Variants in GNAL observed in about 807,000 individuals in gnomAD.
GNAL encodes G protein subunit alpha L.
GNAL carries 18 observed loss-of-function variants against 55.1 expected under a neutral mutation model. The observed-to-expected ratio is 0.33, with a 90% CI of 0.23 to 0.48. The LOEUF (loss-of-function observed/expected upper bound fraction) is 0.48. Among genes scored for constraint, GNAL ranks in the 20% least tolerant of loss-of-function variants. The pLI is 0.99. For synonymous variants in GNAL, 253 were observed against 237.0 expected (o/e 1.07, Z -0.62); for missense variants, 412 against 614.1 (o/e 0.67, Z 3.48).
chr18:11,873,615 C>G (rs546452958), intron 10 of GNAL, among the ~76,000 whole-genome samples: 2 of 152,348 alleles, frequency 1.3e-5, no homozygotes, highest in East Asian at 3.9e-4. Context: ...GAGACCAAAT[C>G]AAGTGGAAAT....
chr18:11,848,787 CT>C (rs1440679105), intron 5 of GNAL, among the ~76,000 whole-genome samples: 1 of 152,148 alleles, frequency 6.6e-6, no homozygotes, highest in Non-Finnish European at 1.5e-5. Context: ...TTCATATTAA[CT>C]TTGCAGTCAA....
chr18:11,812,467 A>G (rs2034840905), intron 4 of GNAL, among the ~76,000 whole-genome samples: 1 of 152,338 alleles, frequency 6.6e-6, no homozygotes, highest in Non-Finnish European at 1.5e-5. Flanking sequence ...GGACACAGGA[A>G]CAAATACAGA....
In GNAL at chr18:11,881,054, C is replaced by T; in HGVS notation, c.1296C>T (p.Asp432=). ...ACCCGCACTTCACCTGCGCCGTGGA[C>T]ACAGAGAACATCCGCAGGGTGTTCA... ...YCYPHFTCAV[D]TENIRRVFND... Residue 432 remains aspartate, a synonymous_variant, in exon 12 of 12, where the codon GAC becomes GAT. Transcript: ENST00000334049. The surrounding 1 kb of genome is among the most constrained non-coding windows in gnomAD (Gnocchi z 4.8). The T allele has an allele frequency of 6.2e-7, 1 of 1,613,980 alleles. No individual in the cohort carries two copies. The highest frequency in any genetic ancestry group is 8.5e-7 in the Non-Finnish European group (1 of 1,179,902).
Position 11,689,699 on chromosome 18 carries a change from AG to A in GNAL, c.139del (p.Asp47ThrfsTer35), listed in dbSNP as rs2031172387. 2 of 1,473,290 alleles carry A rather than the reference AG, an allele frequency of 1.4e-6. No individual in the cohort carries two copies. The highest frequency in any genetic ancestry group is 1.8e-6 in the Non-Finnish European group (2 of 1,117,268). The allele number at this position is 1,473,290 out of a possible 1,614,324, so 91.3% of individuals were successfully genotyped here. ...PALAPVRAAARDTARTLLPRG... is the reference protein window; with the variant it reads ...PALAPVRAAAXDTARTLLPRG... ...CCTGGCCCCAGTCCGGGCGGCCGCA[AG>A]GGACACGGCCCGGACCCTGCTCCCT... On this transcript the variant is annotated frameshift_variant, in exon 1 of 12. Transcript: ENST00000334049. LOFTEE classifies it high-confidence loss of function.
chr18:11,772,518 A>G (rs762161016), intron 4 of GNAL, among the ~76,000 whole-genome samples: 3 of 152,100 alleles, frequency 2.0e-5, no homozygotes, highest in Non-Finnish European at 4.4e-5. Flanking sequence ...AAGCTTCCCC[A>G]TCTGTGCTCT....
chr18:11,748,125 G>A (rs2032732291), intron 1 of GNAL, among the ~76,000 whole-genome samples: 1 of 152,170 alleles, frequency 6.6e-6, no homozygotes, highest in Non-Finnish European at 1.5e-5. Context: ...CAGGTGATTG[G>A]GTTAAAAATT....
In GNAL at chr18:11,880,980, C is replaced by T; in HGVS notation, c.1231-9C>T. On this transcript the variant is annotated splice_polypyrimidine_tract_variant and intron_variant, in intron 11 of 11. Coordinates refer to ENST00000334049, the MANE Select transcript of GNAL (RefSeq NM_182978.4). Reference sequence around the variant, plus strand: ...CGCGCAGGGCTAGTGCACACGCTCTCTCTTGCAGAGGATCAGCACGGCCAC... The same window carrying T: ...CGCGCAGGGCTAGTGCACACGCTCTTTCTTGCAGAGGATCAGCACGGCCAC... 1 of 1,613,544 alleles carries T rather than the reference C, an allele frequency of 6.2e-7. No homozygotes were observed. Among genetic ancestry groups the T allele is most frequent in the Non-Finnish European group, 8.5e-7 (1 of 1,179,670 alleles).
intron 11 of GNAL, 38 bp downstream of exon 11, chr18:11,876,726 T>A: frequency 9.1e-7 from 1 of 1,103,598 alleles, no homozygotes; most frequent in Non-Finnish European, 1.4e-6. Flanking sequence ...TCTACCTCCC[T>A]TCTTAATCTT....
chr18:11,689,551 G>A lies in GNAL; in HGVS notation c.-13G>A. On this transcript the variant is annotated 5_prime_UTR_variant, in exon 1 of 12. It adds an upstream start codon to the 5' untranslated region. Transcript: ENST00000334049. Reference sequence around the variant, plus strand: ...CCTAGTCCCGCGCGCCGCCCCCGCTGTGCCGCGCCCACATGGGTCTGTGCT... The same window carrying A: ...CCTAGTCCCGCGCGCCGCCCCCGCTATGCCGCGCCCACATGGGTCTGTGCT... 4 of 1,228,230 alleles carry A rather than the reference G, an allele frequency of 3.3e-6. No homozygotes were observed. The highest frequency in any genetic ancestry group is 4.1e-6 in the Non-Finnish European group (4 of 979,010). The allele number at this position is 1,228,230 out of a possible 1,614,324, so 76.1% of individuals were successfully genotyped here.
intron 4 of GNAL, among the ~76,000 whole-genome samples, chr18:11,788,897 G>GGAAAAA (rs1385387064): frequency 2.4e-5 from 2 of 82,516 alleles, no homozygotes; most frequent in African/African-American, 1.5e-4. Context: ...ACTCCGTCTC[G>GGAAAAA]AAAAAAAAAA....
intron 5 of GNAL, among the ~76,000 whole-genome samples, chr18:11,840,929 A>G (rs748717745): frequency 1.2e-4 from 18 of 146,306 alleles, no homozygotes; most frequent in Non-Finnish European, 2.1e-4. Context: ...GACTGGAGTC[A>G]GTGCTACGAT....
chr18:11,701,954 T>TC (rs2031583345), intron 1 of GNAL: 1 of 152,076 alleles, frequency 6.6e-6, no homozygotes, highest in African/African-American at 2.4e-5. Flanking sequence ...AATGAAACGT[T>TC]TATCCTTTTT....
At chr18:11,806,966 C>T (rs573550094) in intron 4 of GNAL, among the ~76,000 whole-genome samples, 1 of 152,176 alleles carries the variant, frequency 6.6e-6, no homozygotes, top group South Asian at 2.1e-4. Flanking sequence ...CACAACTGGC[C>T]TGGCCAACAT....
chr18:11,799,537 A>T (rs1209405681), intron 4 of GNAL, among the ~76,000 whole-genome samples: 1 of 152,168 alleles, frequency 6.6e-6, no homozygotes, highest in East Asian at 1.9e-4. Context: ...TTACAGCTTG[A>T]CCATGTGTAA....
chr18:11,767,470 G>T (rs2033446759), intron 4 of GNAL, among the ~76,000 whole-genome samples: 1 of 151,208 alleles, frequency 6.6e-6, no homozygotes, highest in Non-Finnish European at 1.5e-5. Context: ...CCTTATGCTT[G>T]CATGCTTGCT....
At chr18:11,723,502 C>T (rs1180071486) in intron 1 of GNAL, among the ~76,000 whole-genome samples, 1 of 152,224 alleles carries the variant, frequency 6.6e-6, no homozygotes, top group African/African-American at 2.4e-5. Context: ...TCTAAAAGGT[C>T]ATTTTATCAA....
At chr18:11,871,798 G>T (rs1262999583) in intron 9 of GNAL, among the ~76,000 whole-genome samples, 1 of 152,144 alleles carries the variant, frequency 6.6e-6, no homozygotes, top group Non-Finnish European at 1.5e-5. Context: ...CTTAGCTTTG[G>T]TTCCAATAAA....
At chr18:11,851,955 A>T (rs758158028) in intron 5 of GNAL, 2 of 1,613,950 alleles carry the variant, frequency 1.2e-6, no homozygotes, top group South Asian at 2.2e-5. Context: ...CCCAGAACCA[A>T]GTGGATATGC....
chr18:11,749,573 C>T (rs961906208), intron 1 of GNAL, among the ~76,000 whole-genome samples: 3 of 152,114 alleles, frequency 2.0e-5, no homozygotes, highest in East Asian at 3.9e-4. Context: ...GTACCGGTGC[C>T]GCAGGTACAA....
Sources: allele counts gnomAD v4.1 joint callset (sites outside exome capture counted in the v4.1 genomes callset), GRCh38; gene constraint gnomAD v4.1.1; non-coding constraint Gnocchi (gnomAD v3.1); transcripts MANE v1.5; gene names NCBI Gene and HGNC (gene_info 2026-07-23, HGNC 2026-07-21).